The following PHACTR1 variants were observed in gnomAD, a reference collection of about 807,000 sequenced individuals.
The protein encoded by PHACTR1 is RPEL repeat containing 1.
In PHACTR1, 16 loss-of-function variants were observed where a neutral mutation model predicts 69.2. That is an observed-to-expected ratio of 0.23 (90% CI 0.16 to 0.35). The LOEUF (loss-of-function observed/expected upper bound fraction) is 0.35, where lower values mean the gene tolerates loss of function less well. Among genes scored for constraint, PHACTR1 ranks in the 10% least tolerant of loss-of-function variants. PHACTR1 has a pLI of 1.00. For synonymous variants in PHACTR1, 312 were observed against 284.5 expected, an observed-to-expected ratio of 1.10 and a Z score of -0.97; for missense variants, 510 against 734.7, an observed-to-expected ratio of 0.69 and a Z score of 3.54.
chr6:13,216,630 T>C (rs1767720031), intron 8 of PHACTR1, among the ~76,000 whole-genome samples: 1 of 152,242 alleles, frequency 6.6e-6, no homozygotes, highest in Admixed American at 6.5e-5. Context: ...ACATTTGTCC[T>C]TGCCCCTTGG....
chr6:13,276,480 C>CTGT, intron 11 of PHACTR1, among the ~76,000 whole-genome samples: 1 of 152,082 alleles, frequency 6.6e-6, no homozygotes, highest in Non-Finnish European at 1.5e-5. Flanking sequence ...CCTTTAAAGA[C>CTGT]CTGTCCCAAG....
intron 10 of PHACTR1, among the ~76,000 whole-genome samples, chr6:13,256,579 C>T (rs1231035429): frequency 1.3e-5 from 2 of 152,194 alleles, no homozygotes; most frequent in Non-Finnish European, 2.9e-5. Context: ...TTAGAAGCAG[C>T]CAGGCTACAT....
chr6:12,762,930 C>A (rs1422802352), intron 4 of PHACTR1, among the ~76,000 whole-genome samples: 1 of 152,134 alleles, frequency 6.6e-6, no homozygotes, highest in African/African-American at 2.4e-5. Context: ...GAACAGCAGT[C>A]AGGCTGGGTG....
At chr6:12,874,862 T>G (rs1782385674) in intron 4 of PHACTR1, among the ~76,000 whole-genome samples, 1 of 152,186 alleles carries the variant, frequency 6.6e-6, no homozygotes, top group Non-Finnish European at 1.5e-5. Flanking sequence ...TATGTCAGCT[T>G]GTCATTTTGA....
chr6:12,750,157 C>T (rs1376141358), intron 4 of PHACTR1, among the ~76,000 whole-genome samples: 1 of 152,208 alleles, frequency 6.6e-6, no homozygotes, highest in Non-Finnish European at 1.5e-5. Context: ...GGCGCGGCTA[C>T]TACGGGGTGG....
chr6:13,130,775 G>GA (rs1190785743), intron 5 of PHACTR1, among the ~76,000 whole-genome samples: 1 of 152,154 alleles, frequency 6.6e-6, no homozygotes, highest in Non-Finnish European at 1.5e-5. Flanking sequence ...CCAAAAGATA[G>GA]AGAAAGAGGG....
intron 4 of PHACTR1, among the ~76,000 whole-genome samples, chr6:12,992,925 C>A (rs1188174252): frequency 6.6e-6 from 1 of 152,182 alleles, no homozygotes; most frequent in East Asian, 1.9e-4. Flanking sequence ...GGCCTCCCCA[C>A]CTTAATCTTT....
In PHACTR1 at chr6:12,939,505, A is replaced by T. The variant is rs137876633; in HGVS notation, c.251-113860A>T. The stretch of plus-strand genomic sequence containing the variant: ...TAACCAGTCACTTCTCGTATCTAGA[A>T]CTCTTTCCTCATCAGTCAAAATCCC... On this transcript the variant is annotated intron_variant, in intron 4 of 14. Transcript: ENST00000332995. Among the ~76,000 whole-genome samples, 801 of 151,966 alleles carry T rather than the reference A, an allele frequency of 5.3e-3. 5 individuals carry two copies. The highest frequency in any genetic ancestry group is 0.017 in the Middle Eastern group (5 of 294).
chr6:13,235,634 C>A (rs1259792996), intron 10 of PHACTR1, among the ~76,000 whole-genome samples: 2 of 152,146 alleles, frequency 1.3e-5, no homozygotes, highest in African/African-American at 4.8e-5. Context: ...TAAAGAGTAA[C>A]CTAATGCCTA....
Position 12,779,031 on chromosome 6 carries a change from TTA to T in PHACTR1, c.250+29245_250+29246del, listed in dbSNP as rs374462264. 4.0e-3 allele frequency among the ~76,000 whole-genome samples: 613 copies of T among 152,212 alleles called. 5 individuals carry two copies. The highest frequency in any genetic ancestry group is 0.014 in the African/African-American group (592 of 41,530). ...TGCATAACTGTACATGGAAGACACT[TTA>T]TATTAAAAAGTCAGAGAAGCGGCCG... On this transcript the variant is annotated intron_variant, in intron 4 of 14. Coordinates refer to ENST00000332995, the MANE Select transcript of PHACTR1 (RefSeq NM_030948.6).
At chr6:12,930,731 G>A (rs1309801608) in intron 4 of PHACTR1, among the ~76,000 whole-genome samples, 1 of 152,238 alleles carries the variant, frequency 6.6e-6, no homozygotes, top group East Asian at 1.9e-4. Context: ...GAATCTAGAC[G>A]TTTCAGCTGA....
At chr6:13,226,008 G>C (rs1027636853) in intron 8 of PHACTR1, among the ~76,000 whole-genome samples, 1 of 152,184 alleles carries the variant, frequency 6.6e-6, no homozygotes, top group African/African-American at 2.4e-5. Context: ...CATCTATCGT[G>C]TACTTCACCC....
chr6:13,126,506 C>T lies in PHACTR1; in HGVS notation c.416-33698C>T, dbSNP rs114576435. Among the ~76,000 whole-genome samples the T allele has an allele frequency of 3.4e-3, 513 of 152,272 alleles. 1 individual carries two copies. The highest frequency in any genetic ancestry group is 5.5e-3 in the Non-Finnish European group (374 of 68,018). On this transcript the variant is annotated intron_variant, in intron 5 of 14. Coordinates refer to ENST00000332995, the MANE Select transcript of PHACTR1 (RefSeq NM_030948.6). ...CCAAACTCTTCCCACTGAAGAATGG[C>T]CTTGAACAAGCCTCTTAGCCCTAGA...
chr6:12,871,485 A>G (rs574468200), intron 4 of PHACTR1, among the ~76,000 whole-genome samples: 15 of 152,296 alleles, frequency 9.8e-5, no homozygotes, highest in Non-Finnish European at 1.8e-4. Context: ...TTTGTTATGG[A>G]AAATGGATCC....
At position 13,088,321 on chromosome 6, in the gene PHACTR1, C is replaced by T. The variant is rs571589487; in HGVS notation, c.415+34792C>T. 3.2e-4 allele frequency among the ~76,000 whole-genome samples: 46 copies of T among 141,576 alleles called. 1 individual carries two copies. Among genetic ancestry groups the T allele is most frequent in the African/African-American group, 1.1e-3 (37 of 32,738 alleles). The allele number at this position is 141,576 out of a possible 152,430, so 92.9% of individuals were successfully genotyped here. ...CCCCCCACCACGCCCCACTACCCCC[C>T]GCAAAAAAAAAACCCTCAGTACTCA... On this transcript the variant is annotated intron_variant, in intron 5 of 14. Coordinates refer to ENST00000332995, the MANE Select transcript of PHACTR1 (RefSeq NM_030948.6).
At chr6:13,193,320 G>A (rs985203458) in intron 7 of PHACTR1, among the ~76,000 whole-genome samples, 2 of 130,866 alleles carry the variant, frequency 1.5e-5, no homozygotes, top group African/African-American at 5.4e-5. Context: ...AACTTACACT[G>A]TCACCATGAA....
chr6:13,276,665 G>A (rs1170611670), intron 11 of PHACTR1, among the ~76,000 whole-genome samples: 5 of 152,198 alleles, frequency 3.3e-5, no homozygotes, highest in East Asian at 1.9e-4. Context: ...CCAGCTACTC[G>A]GGAGGCTGAG....
Position 13,244,202 on chromosome 6 carries a change from G to T in PHACTR1, c.1391+14009G>T, listed in dbSNP as rs536223533. Among the ~76,000 whole-genome samples the T allele has an allele frequency of 1.3e-3, 195 of 152,228 alleles. 1 individual carries two copies. Among genetic ancestry groups the T allele is most frequent in the African/African-American group, 4.3e-3 (177 of 41,534 alleles). On this transcript the variant is annotated intron_variant, in intron 10 of 14. Transcript: ENST00000332995. Reference sequence around the variant, plus strand: ...CAAAAACCAGCAAGTTTTTATTAGGGGTTTTCAAAAGGGGAGGGAGTGCGC... The same window carrying T: ...CAAAAACCAGCAAGTTTTTATTAGGTGTTTTCAAAAGGGGAGGGAGTGCGC...
At chr6:12,899,785 A>G (rs1479307668) in intron 4 of PHACTR1, among the ~76,000 whole-genome samples, 1 of 152,208 alleles carries the variant, frequency 6.6e-6, no homozygotes, top group Non-Finnish European at 1.5e-5. Flanking sequence ...TGACATTACG[A>G]TTGATCAAGA....
Sources: allele counts gnomAD v4.1 joint callset (sites outside exome capture counted in the v4.1 genomes callset), GRCh38; gene constraint gnomAD v4.1.1; transcripts MANE v1.5; gene names NCBI Gene and HGNC (gene_info 2026-07-23, HGNC 2026-07-21).